KLK10: variants seen among roughly 807,000 people sequenced by gnomAD.
KLK10 encodes kallikrein-10.
KLK10 carries 27 observed loss-of-function variants against 25.7 expected under a neutral mutation model. The observed-to-expected ratio is 1.05, with a 90% confidence interval of 0.77 to 1.45. The LOEUF (loss-of-function observed/expected upper bound fraction) is 1.45. Among genes scored for constraint, KLK10 ranks in the 40% most tolerant of loss-of-function variants. The pLI is 0.00. For synonymous variants in KLK10, 173 were observed against 160.1 expected (o/e 1.08, Z -0.61); for missense variants, 386 against 370.0 (o/e 1.04, Z -0.35).
chr19:51,019,154 G>T lies in KLK10; in HGVS notation c.-9-15C>A. ...ATGGCCAGGATCTGCTGGGGTGTGT[G>T]CAGGGGCGGGTTAAAACAGATGCTC... On this transcript the variant is annotated splice_polypyrimidine_tract_variant and intron_variant, in intron 1 of 5. Transcript: ENST00000358789. The surrounding 1 kb of genome is among the most constrained non-coding windows in gnomAD (Gnocchi z 4.2). 1 of 1,578,808 alleles carries T rather than the reference G, an allele frequency of 6.3e-7. No individual in the cohort carries two copies. Among genetic ancestry groups the T allele is most frequent in the South Asian group, 1.1e-5 (1 of 88,848 alleles).
At chr19:51,018,218 AC>A (rs2091359618) in intron 2 of KLK10, among the ~76,000 whole-genome samples, 1 of 148,968 alleles carries the variant, frequency 6.7e-6, no homozygotes, top group African/African-American at 2.5e-5. Flanking sequence ...AAAGAAAAAA[AC>A]AAGAAAGAAA....
At chr19:51,018,261 A>C (rs1421595583) in intron 2 of KLK10, among the ~76,000 whole-genome samples, 2 of 150,924 alleles carry the variant, frequency 1.3e-5, no homozygotes, top group Non-Finnish European at 3.0e-5. Flanking sequence ...GTAAAACAAG[A>C]AAGAAGAAAC....
intron 2 of KLK10, 73 bp from the exon 3 acceptor site, chr19:51,017,363 G>A: frequency 7.3e-7 from 1 of 1,373,210 alleles, no homozygotes. Context: ...CTGGGCTGTG[G>A]CACTGGACTG....
chr19:51,012,804 C>A lies in KLK10; in HGVS notation c.*1996G>T, dbSNP rs764618325. ...AACAAACAAACAAAAAACAGAGCATCGGGACTGGATGACCAAAAGTGGACT... is the reference window on the plus strand; with the variant it reads ...AACAAACAAACAAAAAACAGAGCATAGGGACTGGATGACCAAAAGTGGACT... On this transcript the variant is annotated 3_prime_UTR_variant, in exon 6 of 6. Coordinates refer to ENST00000358789, the MANE Select transcript of KLK10 (RefSeq NM_145888.3). 1 of 151,898 alleles carries A rather than the reference C, an allele frequency of 6.6e-6. No homozygotes were observed. Among genetic ancestry groups the A allele is most frequent in the Non-Finnish European group, 1.5e-5 (1 of 67,984 alleles). 9.4% of individuals were successfully genotyped at this position (151,898 alleles called of 1,614,324 possible). A position where few individuals can be genotyped will look rare whatever the true frequency, so the allele number is the denominator to read the frequency against.
chr19:51,017,223 G>T lies in KLK10; in HGVS notation c.156C>A (p.Cys52Ter), dbSNP rs1001513239. ...CCTGCCAGGGCTGCGAGCCGCGCGC[G>T]CACGGGGAGCCATAGGCTTCGGGGT... ...RLDPEAYGSP[C>*]ARGSQPWQVS... The change falls in exon 3 of 6, where the codon TGC becomes TGA. Residue 52 changes from cysteine to a stop codon, truncating the protein, a stop_gained. Transcript: ENST00000358789. LOFTEE classifies it high-confidence loss of function. 1 of 1,612,236 alleles carries T rather than the reference G, an allele frequency of 6.2e-7. No homozygotes were observed. The highest frequency in any genetic ancestry group is 2.2e-5 in the East Asian group (1 of 44,848).
intron 3 of KLK10, 69 bp from the exon 4 acceptor site, chr19:51,016,225 G>T: frequency 6.9e-7 from 1 of 1,456,382 alleles, no homozygotes; most frequent in Non-Finnish European, 9.1e-7. Context: ...GGGCAGTGAC[G>T]CAGGGCCTGG....
chr19:51,016,218 C>T, intron 3 of KLK10, 62 bp from the exon 4 acceptor site: 1 of 1,473,774 alleles, frequency 6.8e-7, no homozygotes, highest in Non-Finnish European at 9.0e-7. Flanking sequence ...AGCAGGTGGG[C>T]AGTGACGCAG....
rs2091313551 is a variant in KLK10 at position 51,015,490 on chromosome 19, T to G, written c.605A>C (p.Glu202Ala). ...GGTGACCACGCCAGGGTAGAAGACCTCACACTCTTTAGGGCTCAGGATAGT... is the reference window on the plus strand; with the variant it reads ...GGTGACCACGCCAGGGTAGAAGACCGCACACTCTTTAGGGCTCAGGATAGT... ...SITILSPKEC[E>A]VFYPGVVTNN... Residue 202 changes from glutamate to alanine, a missense_variant, in exon 5 of 6, where the codon GAG (glutamate) becomes GCG (alanine). Transcript: ENST00000358789. 1 of 1,613,744 alleles carries G rather than the reference T, an allele frequency of 6.2e-7. No individual in the cohort carries two copies. The highest frequency in any genetic ancestry group is 1.7e-5 in the Admixed American group (1 of 59,978).
chr19:51,017,166 G>T lies in KLK10; in HGVS notation c.213C>A (p.Cys71Ter), dbSNP rs2091339860. Reference protein sequence around the residue: ...VSLFNGLSFHCAGVLVDQSWV... With the variant: ...VSLFNGLSFH ...AACTCTGGTCCACCAGGACACCCGC[G>T]CAGTGGAACGAGAGGCCGTTGAAGA... Residue 71 changes from cysteine (C) to a stop codon, truncating the protein, a stop_gained, in exon 3 of 6, where the codon TGC becomes TGA. Coordinates refer to ENST00000358789, the MANE Select transcript of KLK10 (RefSeq NM_145888.3). LOFTEE classifies it high-confidence loss of function. 6.2e-7 allele frequency: 1 copy of T among 1,611,814 alleles called. No individual in the cohort carries two copies. The highest frequency in any genetic ancestry group is 8.5e-7 in the Non-Finnish European group (1 of 1,179,642).
Position 51,015,566 on chromosome 19 carries a change from G to A in KLK10, c.545-16C>T, listed in dbSNP as rs1302175946. On this transcript the variant is annotated splice_polypyrimidine_tract_variant and intron_variant, in intron 4 of 5. Transcript: ENST00000358789. ...TTGTACTTCACTGAAGGGAGAATAT[G>A]CCAGTAATCCCTGGGTCCAGCCCCC... 2 of 1,611,832 alleles carry A rather than the reference G, an allele frequency of 1.2e-6. No individual in the cohort carries two copies. Among genetic ancestry groups the A allele is most frequent in the African/African-American group, 1.3e-5 (1 of 74,838 alleles).
intron 5 of KLK10, 120 bp downstream of exon 5, chr19:51,015,297 G>T (rs2091309646): frequency 8.6e-7 from 1 of 1,162,722 alleles, no homozygotes. Context: ...CTGGGTAAGA[G>T]TTGGGGTCAA....
In KLK10 at chr19:51,015,497, C is replaced by G; in HGVS notation, c.598G>C (p.Glu200Gln). 1 of 1,613,972 alleles carries G rather than the reference C, an allele frequency of 6.2e-7. No individual in the cohort carries two copies. The highest frequency in any genetic ancestry group is 2.2e-5 in the East Asian group (1 of 44,872). Residue 200 changes from glutamate (E) to glutamine (Q), a missense_variant, in exon 5 of 6, where the codon GAG becomes CAG. By Grantham distance (29) the Glu-to-Gln change is conservative. Transcript: ENST00000358789. The part of the protein sequence containing the change: ...CSSITILSPK[E>Q]CEVFYPGVVT... ...ACGCCAGGGTAGAAGACCTCACACT[C>G]TTTAGGGCTCAGGATAGTGATGCTG... is the stretch of plus-strand genomic sequence containing the variant.
intron 2 of KLK10, 98 bp downstream of exon 2, chr19:51,018,945 G>A: frequency 1.1e-6 from 1 of 914,764 alleles, no homozygotes; most frequent in South Asian, 1.5e-5. Context: ...GGGGTCTCGG[G>A]GGAGGAGAGG....
At position 51,016,017 on chromosome 19, in the gene KLK10, C is replaced by G; in HGVS notation, c.409G>C (p.Asp137His). The change falls in exon 4 of 6, where the codon GAT becomes CAT. Residue 137 changes from aspartate (D) to histidine (H), a missense_variant. Transcript: ENST00000358789. ...CTGGCCAGCTTCAGCAACATGAGAT[C>G]GTGCTCATCCGTTCGCCTTGGCAGG... is the stretch of plus-strand genomic sequence containing the variant. ...PILPRRTDEH[D>H]LMLLKLARPV... is the part of the protein sequence containing the mutation. 1.3e-6 allele frequency: 2 copies of G among 1,565,286 alleles called. No individual in the cohort carries two copies. Among genetic ancestry groups the G allele is most frequent in the Non-Finnish European group, 1.7e-6 (2 of 1,154,852 alleles).
chr19:51,019,464 CGGAGCCAGTGGG>C lies in KLK10; in HGVS notation c.-10+151_-10+162del, dbSNP rs1472468356. 1.6e-4 allele frequency among the ~76,000 whole-genome samples: 25 copies of C among 152,332 alleles called. No homozygotes were observed. The South Asian group carries it at 5.2e-3, about 32-fold the overall frequency. On this transcript the variant is annotated intron_variant, in intron 1 of 5. Transcript: ENST00000358789. This position sits in a 1 kb window ranked among gnomAD's most constrained non-coding sequence, Gnocchi z 4.2. The stretch of plus-strand genomic sequence containing the variant: ...ACGCGCGGGGTGGGGATCCGAGGCT[CGGAGCCAGTGGG>C]AGCCTCTTTCTCAACCTCACAGCGG...
At chr19:51,015,240 T>G in intron 5 of KLK10, among the ~76,000 whole-genome samples, 177 bp downstream of exon 5, 1 of 150,130 alleles carries the variant, frequency 6.7e-6, no homozygotes, top group African/African-American at 2.5e-5. Context: ...TGGGGTGGGG[T>G]TGGGATGGAA....
Position 51,017,257 on chromosome 19 carries a change from G to T in KLK10, c.122C>A (p.Thr41Lys), listed in dbSNP as rs370714030. ...AEAALLPQND[T>K]RLDPEAYGSP... ...GCCATAGGCTTCGGGGTCCAAGCGCGTGTCGTTTTGGGGGAGCAGCGCCGC... is the reference window on the plus strand; with the variant it reads ...GCCATAGGCTTCGGGGTCCAAGCGCTTGTCGTTTTGGGGGAGCAGCGCCGC... The change falls in exon 3 of 6, where the codon ACG becomes AAG. Residue 41 changes from threonine to lysine, a missense_variant. Physicochemically the swap from Thr to Lys is moderately conservative, Grantham distance 78. Transcript: ENST00000358789. 6.2e-7 allele frequency: 1 copy of T among 1,609,956 alleles called. No homozygotes were observed. The highest frequency in any genetic ancestry group is 1.1e-5 in the South Asian group (1 of 90,810).
chr19:51,014,629 A>C lies in KLK10; in HGVS notation c.*171T>G. 5.2e-5 allele frequency: 28 copies of C among 542,382 alleles called. No individual in the cohort carries two copies. Among genetic ancestry groups the C allele is most frequent in the East Asian group, 9.4e-5 (3 of 31,810 alleles). 33.6% of individuals were successfully genotyped at this position (542,382 alleles called of 1,614,324 possible). The stretch of plus-strand genomic sequence containing the variant: ...GCAGAGAATGGGGATAGGTGGGGGA[A>C]TGAGGTGAGAGGGGAGATGTTTAGA... On this transcript the variant is annotated 3_prime_UTR_variant, in exon 6 of 6. Coordinates refer to ENST00000358789, the MANE Select transcript of KLK10 (RefSeq NM_145888.3).
In KLK10 at chr19:51,017,151, C is replaced by T. The variant is rs1274935615; in HGVS notation, c.228G>A (p.Val76=). The T allele has an allele frequency of 1.9e-6, 3 of 1,611,546 alleles. No homozygotes were observed. Among genetic ancestry groups the T allele is most frequent in the Middle Eastern group, 2.0e-4 (1 of 4,882 alleles). ...GLSFHCAGVL[V]DQSWVLTAAH... ...CGGCCGTCAGCACCCAACTCTGGTC[C>T]ACCAGGACACCCGCGCAGTGGAACG... Residue 76 remains valine, a synonymous_variant, in exon 3 of 6, where the codon GTG becomes GTA. Coordinates refer to ENST00000358789, the MANE Select transcript of KLK10 (RefSeq NM_145888.3).
Sources: gnomAD v4.1 joint callset for allele counts (sites outside exome capture counted in the v4.1 genomes callset) on GRCh38, gnomAD v4.1.1 for gene constraint, Gnocchi (gnomAD v3.1) non-coding constraint, MANE v1.5 for transcripts, NCBI Gene and HGNC (gene_info 2026-07-23, HGNC 2026-07-21) for gene names.